The following DGKB variants were observed in gnomAD, a reference collection of about 807,000 sequenced individuals.
DGKB encodes the protein diacylglycerol kinase beta.
Under a neutral mutation model 114.3 loss-of-function variants are expected in DGKB, and 67 were observed. The ratio of observed to expected loss-of-function variants is 0.59; its 90% CI spans 0.48 to 0.72. The LOEUF (loss-of-function observed/expected upper bound fraction) is 0.72, where lower values mean the gene tolerates loss of function less well. Ranked by LOEUF, DGKB falls within the 30% of genes least tolerant of loss-of-function variation. The pLI is 0.00. For synonymous variants in DGKB, 398 were observed against 323.1 expected, an observed-to-expected ratio of 1.23 and a Z score of -2.49; for missense variants, 907 against 975.2, an observed-to-expected ratio of 0.93 and a Z score of 0.93.
intron 20 of DGKB, among the ~76,000 whole-genome samples, chr7:14,505,425 G>A (rs2128962403): frequency 6.6e-6 from 1 of 151,374 alleles, no homozygotes; most frequent in Admixed American, 6.6e-5. Flanking sequence ...CTGCAGCCCA[G>A]TCTGGGAGAC....
chr7:14,445,768 C>T (rs951175494), intron 21 of DGKB, among the ~76,000 whole-genome samples: 2 of 151,952 alleles, frequency 1.3e-5, no homozygotes, highest in Non-Finnish European at 2.9e-5. Context: ...TAACTTATAT[C>T]CATTAAACAC....
chr7:14,655,306 C>T (rs1815537628), intron 13 of DGKB, among the ~76,000 whole-genome samples: 1 of 151,624 alleles, frequency 6.6e-6, no homozygotes, highest in African/African-American at 2.4e-5. Context: ...CACTAATCAT[C>T]AGGGAAATGC....
chr7:14,910,314 G>GAAAGAAAGA, intron 1 of DGKB, among the ~76,000 whole-genome samples: 1 of 132,250 alleles, frequency 7.6e-6, no homozygotes, highest in East Asian at 2.2e-4. Context: ...AAGAAAGAAA[G>GAAAGAAAGA]AACCTTATAT....
At chr7:14,367,728 A>G (rs999702637) in intron 21 of DGKB, among the ~76,000 whole-genome samples, 2 of 152,072 alleles carry the variant, frequency 1.3e-5, no homozygotes, top group African/African-American at 4.8e-5. Flanking sequence ...ACAGTTCCAC[A>G]TGGCTTGGAA....
chr7:14,477,317 C>T (rs1403284818), intron 21 of DGKB, among the ~76,000 whole-genome samples: 1 of 152,100 alleles, frequency 6.6e-6, no homozygotes, highest in Non-Finnish European at 1.5e-5. Context: ...ACATTTATGG[C>T]AAGATGTCAG....
chr7:14,477,349 C>A (rs865921104), intron 21 of DGKB, among the ~76,000 whole-genome samples: 6 of 152,234 alleles, frequency 3.9e-5, no homozygotes, highest in Middle Eastern at 6.8e-3. Flanking sequence ...GACAATAAAG[C>A]CCTTGGCTTT....
At chr7:14,652,287 G>A (rs1585365102) in intron 13 of DGKB, among the ~76,000 whole-genome samples, 2 of 152,090 alleles carry the variant, frequency 1.3e-5, no homozygotes, top group African/African-American at 4.8e-5. Flanking sequence ...GCACGGTACT[G>A]GTACCAAAAC....
chr7:14,419,387 T>G, intron 21 of DGKB, among the ~76,000 whole-genome samples: 1 of 152,148 alleles, frequency 6.6e-6, no homozygotes, highest in East Asian at 1.9e-4. Flanking sequence ...TGTCCAATTC[T>G]CAGTCAACTG....
intron 1 of DGKB, among the ~76,000 whole-genome samples, chr7:14,867,947 G>A (rs1053515060): frequency 6.6e-6 from 1 of 152,090 alleles, no homozygotes; most frequent in Non-Finnish European, 1.5e-5. Flanking sequence ...CATTCTTGAG[G>A]TGCTCCCCAT....
At chr7:14,429,086 A>G (rs1404419016) in intron 21 of DGKB, among the ~76,000 whole-genome samples, 2 of 152,140 alleles carry the variant, frequency 1.3e-5, no homozygotes, top group Admixed American at 6.6e-5. Flanking sequence ...GCATATTGAA[A>G]ACAGAAGATT....
intron 13 of DGKB, among the ~76,000 whole-genome samples, chr7:14,645,678 T>C (rs908810539): frequency 6.6e-6 from 1 of 150,910 alleles, no homozygotes; most frequent in African/African-American, 2.4e-5. Context: ...GAGCATGAGA[T>C]GATATATTCA....
chr7:14,199,464 C>T (rs1330592093), intron 23 of DGKB, among the ~76,000 whole-genome samples: 1 of 151,954 alleles, frequency 6.6e-6, no homozygotes, highest in Non-Finnish European at 1.5e-5. Flanking sequence ...TGAGCATTTC[C>T]ACCATGAAAT....
intron 4 of DGKB, among the ~76,000 whole-genome samples, chr7:14,747,469 T>A (rs527584697): frequency 6.6e-6 from 1 of 152,266 alleles, no homozygotes; most frequent in East Asian, 1.9e-4. Flanking sequence ...TAGTAAAATC[T>A]TTTCAAATAT....
intron 20 of DGKB, among the ~76,000 whole-genome samples, chr7:14,488,618 G>A (rs1426001252): frequency 4.0e-5 from 6 of 149,090 alleles, no homozygotes; most frequent in African/African-American, 7.4e-5. Context: ...TCAGGAGTTC[G>A]AGACCAACAT....
chr7:14,214,729 A>G (rs1014677297), intron 23 of DGKB, among the ~76,000 whole-genome samples: 1 of 152,192 alleles, frequency 6.6e-6, no homozygotes, highest in African/African-American at 2.4e-5. Flanking sequence ...AAGAAAATAT[A>G]TAATTTCACC....
chr7:14,271,466 T>C (rs78672307), intron 23 of DGKB, among the ~76,000 whole-genome samples: 3,129 of 152,266 alleles, frequency 0.021, 45 homozygotes, highest in East Asian at 0.048. Flanking sequence ...GGTGTACACA[T>C]ACATTTTAGC....
intron 21 of DGKB, among the ~76,000 whole-genome samples, chr7:14,404,132 G>C (rs370718969): frequency 6.6e-6 from 1 of 150,824 alleles, no homozygotes; most frequent in Non-Finnish European, 1.5e-5. Flanking sequence ...TATTTAGTGA[G>C]GTTGGATATC....
chr7:14,848,213 T>G (rs17369239), intron 1 of DGKB, among the ~76,000 whole-genome samples: 3,391 of 152,240 alleles, frequency 0.022, 62 homozygotes, highest in Non-Finnish European at 0.038. Context: ...AGATCAAGGT[T>G]GAAAACTGAA....
chr7:14,698,891 A>G (rs1179796790), intron 7 of DGKB, among the ~76,000 whole-genome samples: 1 of 152,174 alleles, frequency 6.6e-6, no homozygotes, highest in African/African-American at 2.4e-5. Context: ...TTGTAATTTC[A>G]CATGAAAACA....
Sources: allele counts gnomAD v4.1 joint callset (sites outside exome capture counted in the v4.1 genomes callset), GRCh38; gene constraint gnomAD v4.1.1; transcripts MANE v1.5; gene names NCBI Gene and HGNC (gene_info 2026-07-23, HGNC 2026-07-21).